The following RGS9 variants were observed in gnomAD, a reference collection of about 807,000 sequenced individuals.
RGS9 encodes the protein regulator of G protein signaling 9.
A neutral mutation model predicts 102.0 loss-of-function variants in RGS9; 78 were observed. The ratio of observed to expected loss-of-function variants is 0.76; its 90% CI spans 0.64 to 0.92. The LOEUF (loss-of-function observed/expected upper bound fraction) is 0.92. Ranked by LOEUF, RGS9 falls within the 40% of genes least tolerant of loss-of-function variation. RGS9 has a pLI of 0.00. For synonymous variants in RGS9, 353 were observed against 318.6 expected (o/e 1.11, Z -1.15); for missense variants, 833 against 866.1 (o/e 0.96, Z 0.48).
At chr17:65,193,780 T>C in intron 12 of RGS9, 124 bp downstream of exon 12, 1 of 690,800 alleles carries the variant, frequency 1.4e-6, no homozygotes, top group South Asian at 1.6e-5. Flanking sequence ...AGAGCTACAA[T>C]CAATTTTAAA....
intron 14 of RGS9, among the ~76,000 whole-genome samples, chr17:65,203,903 C>T (rs778812339): frequency 6.6e-6 from 1 of 152,176 alleles, no homozygotes; most frequent in African/African-American, 2.4e-5. Flanking sequence ...TGGGCCCCAG[C>T]CCCTTCTTGC....
At chr17:65,220,412 A>G (rs1008994657) in intron 17 of RGS9, among the ~76,000 whole-genome samples, 2 of 152,106 alleles carry the variant, frequency 1.3e-5, no homozygotes, top group South Asian at 2.1e-4. Context: ...TGACTGGTCA[A>G]TCCTGTAGTC....
rs1362171999 is a variant in RGS9 at position 65,202,454 on chromosome 17, A to T, written c.1064+374A>T. Reference sequence around the variant, plus strand: ...GTGTGTGTGTGTGTGTGAGAGAGAGAGAGAGAGAGAGAGTGAGAGAGAGAG... The same window carrying T: ...GTGTGTGTGTGTGTGTGAGAGAGAGTGAGAGAGAGAGAGTGAGAGAGAGAG... On this transcript the variant is annotated intron_variant, in intron 14 of 18. Transcript: ENST00000262406. Among the ~76,000 whole-genome samples, 440 of 138,508 alleles carry T rather than the reference A, an allele frequency of 3.2e-3. 1 individual carries two copies. The highest frequency in any genetic ancestry group is 9.0e-3 in the African/African-American group (333 of 37,034). 90.9% of individuals were successfully genotyped at this position (138,508 alleles called of 152,430 possible). A position where few individuals can be genotyped will look rare whatever the true frequency, so the allele number is the denominator to read the frequency against.
intron 11 of RGS9, among the ~76,000 whole-genome samples, chr17:65,190,450 A>C (rs1912325847): frequency 6.6e-6 from 1 of 152,168 alleles, no homozygotes; most frequent in Admixed American, 6.5e-5. Context: ...AGCGTAGGTG[A>C]GGTTCTAGAA....
intron 1 of RGS9, among the ~76,000 whole-genome samples, chr17:65,144,532 T>A (rs753717735): frequency 6.6e-6 from 1 of 152,180 alleles, no homozygotes; most frequent in Non-Finnish European, 1.5e-5. Context: ...CGCGGTGGCC[T>A]GGTTGTGCAG....
At chr17:65,148,107 T>C (rs1382590124) in intron 1 of RGS9, among the ~76,000 whole-genome samples, 2 of 152,212 alleles carry the variant, frequency 1.3e-5, no homozygotes, top group Non-Finnish European at 2.9e-5. Flanking sequence ...CAACCACCAT[T>C]CTGATATTTG....
chr17:65,154,447 T>C (rs1910696118), intron 2 of RGS9, among the ~76,000 whole-genome samples: 1 of 152,204 alleles, frequency 6.6e-6, no homozygotes, highest in African/African-American at 2.4e-5. Context: ...TCCCAGAAGG[T>C]CATTTTAGAA....
intron 9 of RGS9, among the ~76,000 whole-genome samples, chr17:65,186,481 G>A (rs997720940): frequency 2.0e-5 from 3 of 152,174 alleles, no homozygotes; most frequent in Non-Finnish European, 4.4e-5. Context: ...GGGGTTACAG[G>A]CGTGAGCCAC....
At chr17:65,210,787 A>G (rs1913264940) in intron 17 of RGS9, 182 bp downstream of exon 17, 14 of 1,005,054 alleles carry the variant, frequency 1.4e-5, no homozygotes, top group Non-Finnish European at 2.0e-5. Flanking sequence ...TACTCCTCTA[A>G]CTTTCTTCAT....
At position 65,137,440 on chromosome 17, in the gene RGS9, A is replaced by G; in HGVS notation, c.-101A>G. ...TCCCCGCCCAGCCGCCTCCCCGTCG[A>G]CGCCCAGGGCTGGGGCGAGCCAGGC... On this transcript the variant is annotated 5_prime_UTR_variant, in exon 1 of 19. Coordinates refer to ENST00000262406, the MANE Select transcript of RGS9 (RefSeq NM_003835.4). 4.9e-6 allele frequency: 6 copies of G among 1,228,502 alleles called. No individual in the cohort carries two copies. The highest frequency in any genetic ancestry group is 4.8e-5 in the South Asian group (4 of 83,418). 76.1% of individuals were successfully genotyped at this position (1,228,502 alleles called of 1,614,324 possible). A position where few individuals can be genotyped will look rare whatever the true frequency, so the allele number is the denominator to read the frequency against.
intron 3 of RGS9, among the ~76,000 whole-genome samples, chr17:65,159,241 T>C (rs1018030984): frequency 2.7e-5 from 4 of 150,730 alleles, no homozygotes; most frequent in African/African-American, 9.7e-5. Context: ...CTATCTCCCT[T>C]CGCTGACTCT....
At chr17:65,184,541 C>T (rs183060924) in intron 9 of RGS9, among the ~76,000 whole-genome samples, 72 of 152,172 alleles carry the variant, frequency 4.7e-4, no homozygotes, top group South Asian at 2.1e-3. Flanking sequence ...TCTCCTTTTA[C>T]GAATGAGAAA....
intron 13 of RGS9, 35 bp downstream of exon 13, chr17:65,197,276 C>T (rs764456637): frequency 2.2e-6 from 3 of 1,384,972 alleles, no homozygotes; most frequent in South Asian, 2.4e-5. Context: ...ATTAAAATAA[C>T]TTACTTTTAG....
chr17:65,171,552 C>T (rs1911420997), intron 8 of RGS9, among the ~76,000 whole-genome samples: 1 of 152,154 alleles, frequency 6.6e-6, no homozygotes, highest in South Asian at 2.1e-4. Flanking sequence ...GTGACACTCT[C>T]CCAGAGATAA....
At chr17:65,200,407 C>T (rs748552514) in intron 13 of RGS9, among the ~76,000 whole-genome samples, 3 of 152,310 alleles carry the variant, frequency 2.0e-5, no homozygotes, top group African/African-American at 4.8e-5. Context: ...ATTCTTTTAT[C>T]GATGGACATC....
chr17:65,145,563 T>A lies in RGS9; in HGVS notation c.58-7859T>A, dbSNP rs2869575. ...CCACTCCTGGCTATTTTTTTTTTTT[T>A]TAATATATTTTTAATAGAGATGAGG... On this transcript the variant is annotated intron_variant, in intron 1 of 18. Coordinates refer to ENST00000262406, the MANE Select transcript of RGS9 (RefSeq NM_003835.4). Among the ~76,000 whole-genome samples the A allele has an allele frequency of 1.4e-3, 197 of 140,696 alleles. 3 individuals carry two copies. Among genetic ancestry groups the A allele is most frequent in the African/African-American group, 4.6e-3 (171 of 37,154 alleles). The allele number at this position is 140,696 out of a possible 152,430, so 92.3% of individuals were successfully genotyped here. A position where few individuals can be genotyped will look rare whatever the true frequency, so the allele number is the denominator to read the frequency against.
At chr17:65,179,824 C>T (rs560110644) in intron 9 of RGS9, among the ~76,000 whole-genome samples, 1 of 152,170 alleles carries the variant, frequency 6.6e-6, no homozygotes, top group African/African-American at 2.4e-5. Context: ...GCTCCTTGGC[C>T]TTCAGAGCCC....
chr17:65,156,050 G>A (rs891054167), intron 2 of RGS9, among the ~76,000 whole-genome samples: 2 of 151,994 alleles, frequency 1.3e-5, no homozygotes, highest in Non-Finnish European at 2.9e-5. Flanking sequence ...TTGAGACAGG[G>A]TCTTTCTCTG....
At chr17:65,165,908 C>T (rs1225808071) in intron 7 of RGS9, among the ~76,000 whole-genome samples, 1 of 152,090 alleles carries the variant, frequency 6.6e-6, no homozygotes, top group Non-Finnish European at 1.5e-5. Flanking sequence ...ATTATGTGTC[C>T]TGATTTCTAT....
Sources: gnomAD v4.1 joint callset for allele counts (sites outside exome capture counted in the v4.1 genomes callset) on GRCh38, gnomAD v4.1.1 for gene constraint, MANE v1.5 for transcripts, NCBI Gene and HGNC (gene_info 2026-07-23, HGNC 2026-07-21) for gene names.